The following MED16 variants were observed in gnomAD, a reference collection of about 807,000 sequenced individuals.
The protein encoded by MED16 is mediator complex subunit 16, also known as mediator of RNA polymerase II transcription subunit 16.
In MED16, 81 loss-of-function variants were observed where a neutral mutation model predicts 84.4. That is an observed-to-expected ratio of 0.96 (90% CI 0.80 to 1.15). The LOEUF is 1.15. Among genes scored for constraint, MED16 ranks in the 50% most tolerant of loss-of-function variants. The pLI, the probability that MED16 is intolerant of heterozygous loss-of-function variation, is 0.00. For synonymous variants in MED16, 897 were observed against 552.2 expected, an observed-to-expected ratio of 1.62 and a Z score of -8.76; for missense variants, 1,585 against 1,245.9, an observed-to-expected ratio of 1.27 and a Z score of -4.10.
intron 1 of MED16, chr19:892,831 C>T (rs894109540): frequency 6.6e-6 from 1 of 152,398 alleles, no homozygotes; most frequent in African/African-American, 2.4e-5. Flanking sequence ...GAACCCAGCC[C>T]CGCGGGCCTC....
At chr19:888,418 G>A (rs989874068) in intron 4 of MED16, among the ~76,000 whole-genome samples, 1 of 151,466 alleles carries the variant, frequency 6.6e-6, no homozygotes, top group Non-Finnish European at 1.5e-5. Context: ...CAGCTACTCA[G>A]GAAGCTGAGG....
intron 13 of MED16, 39 bp downstream of exon 13, chr19:870,998 G>A (rs1229557970): frequency 8.6e-6 from 13 of 1,510,632 alleles, no homozygotes; most frequent in South Asian, 4.9e-5. Flanking sequence ...ACGGAGGAAG[G>A]AGTCCTGTGT....
At chr19:879,091 A>G (rs1310905433) in intron 8 of MED16, among the ~76,000 whole-genome samples, 6 of 61,510 alleles carry the variant, frequency 9.8e-5, no homozygotes, top group African/African-American at 3.8e-4. Flanking sequence ...CACGTGCCCC[A>G]GCAGCTCGCC....
At position 881,696 on chromosome 19, in the gene MED16, G is replaced by T; in HGVS notation, c.1004C>A (p.Thr335Lys). Residue 335 changes from threonine to lysine, a missense_variant, in exon 7 of 16, where the codon ACA becomes AAA. Transcript: ENST00000325464. ...ISPVVGDKQPTILKWRILSAT... is the reference protein window; with the variant it reads ...ISPVVGDKQPKILKWRILSAT... ...CGATAGGATCCGCCATTTGAGAATT[G>T]TGGGCTGTTTGTCGCCAACTGAAAA... 1 of 1,610,862 alleles carries T rather than the reference G, an allele frequency of 6.2e-7. No individual in the cohort carries two copies. Among genetic ancestry groups the T allele is most frequent in the Non-Finnish European group, 8.5e-7 (1 of 1,178,402 alleles).
chr19:878,260 G>A (rs1238743833), intron 8 of MED16, among the ~76,000 whole-genome samples: 4 of 15,080 alleles, frequency 2.7e-4, no homozygotes, highest in Non-Finnish European at 3.7e-4. Context: ...CCAGCCCCAC[G>A]GGCCCCAGCA....
At chr19:891,277 G>C (rs1471090978) in intron 1 of MED16, 128 bp from the exon 2 acceptor site, 2 of 917,536 alleles carry the variant, frequency 2.2e-6, no homozygotes, top group South Asian at 1.7e-5. Flanking sequence ...AAGGCCCGGA[G>C]GCCAGACAGA....
In MED16 at chr19:868,034, G is replaced by A. The variant is rs2035954479; in HGVS notation, c.*67C>T. ...TGTCCAGGTTCAGCGCTCTCCGCGGGTGAGGCAAGGAAACCGAGGAGACGC... is the reference window on the plus strand; with the variant it reads ...TGTCCAGGTTCAGCGCTCTCCGCGGATGAGGCAAGGAAACCGAGGAGACGC... On this transcript the variant is annotated 3_prime_UTR_variant, in exon 16 of 16. Coordinates refer to ENST00000325464, the MANE Select transcript of MED16 (RefSeq NM_005481.3). 2.0e-6 allele frequency: 3 copies of A among 1,529,912 alleles called. No individual in the cohort carries two copies. Among genetic ancestry groups the A allele is most frequent in the Non-Finnish European group, 2.6e-6 (3 of 1,143,078 alleles). The allele number at this position is 1,529,912 out of a possible 1,614,324, so 94.8% of individuals were successfully genotyped here.
chr19:887,237 A>C (rs1173060042), intron 4 of MED16, among the ~76,000 whole-genome samples: 1 of 152,070 alleles, frequency 6.6e-6, no homozygotes, highest in Non-Finnish European at 1.5e-5. Flanking sequence ...TCCAGGAAGC[A>C]AGCCAGGCCT....
At chr19:876,624 C>T (rs568342317) in intron 9 of MED16, among the ~76,000 whole-genome samples, 5 of 152,180 alleles carry the variant, frequency 3.3e-5, no homozygotes, top group South Asian at 2.1e-4. Flanking sequence ...GGAGCACACC[C>T]CACACGCAGC....
At position 886,026 on chromosome 19, in the gene MED16, C is replaced by G. The variant is rs777746157; in HGVS notation, c.623G>C (p.Arg208Pro). The change falls in exon 5 of 16, where the codon CGG becomes CCG. Residue 208 changes from arginine (R) to proline (P), a missense_variant. Arg to Pro is a moderately radical substitution (Grantham distance 103, BLOSUM62 -2). Transcript: ENST00000325464. The part of the protein sequence containing the change: ...QVLTSTESLC[R>P]LRGRVALADI... ...GGCCAGGGCCACGCGGCCGCGCAGC[C>G]GGCACAGGCTCTCGGTGGACGTCAG... is the stretch of plus-strand genomic sequence containing the variant. 1 of 1,598,944 alleles carries G rather than the reference C, an allele frequency of 6.3e-7. No individual in the cohort carries two copies. The highest frequency in any genetic ancestry group is 8.5e-7 in the Non-Finnish European group (1 of 1,175,126).
intron 4 of MED16, among the ~76,000 whole-genome samples, chr19:889,239 G>A (rs1182432393): frequency 2.0e-5 from 3 of 152,120 alleles, no homozygotes; most frequent in Non-Finnish European, 2.9e-5. Context: ...ATCACAGGGA[G>A]CATAGAGAGG....
Position 891,046 on chromosome 19 carries a change from T to C in MED16, c.86A>G (p.His29Arg). The change falls in exon 2 of 16, where the codon CAC becomes CGC. Residue 29 changes from histidine (H) to arginine (R), a missense_variant. Physicochemically the swap from His to Arg is conservative, Grantham distance 29 (BLOSUM62 0). Coordinates refer to ENST00000325464, the MANE Select transcript of MED16 (RefSeq NM_005481.3). ...CEWEKWSKST[H>R]CPSVPLACAW... ...GCAGGCCAGGGGCACCGATGGGCAGTGGGTGCTCTTGGACCATTTCTCCCA... is the reference window on the plus strand; with the variant it reads ...GCAGGCCAGGGGCACCGATGGGCAGCGGGTGCTCTTGGACCATTTCTCCCA... 1 of 1,614,098 alleles carries C rather than the reference T, an allele frequency of 6.2e-7. No homozygotes were observed. Among genetic ancestry groups the C allele is most frequent in the Non-Finnish European group, 8.5e-7 (1 of 1,180,022 alleles).
intron 6 of MED16, among the ~76,000 whole-genome samples, chr19:883,464 A>G (rs11085228): frequency 0.98 from 134,890 of 137,198 alleles, 66,384 homozygotes; most frequent in African/African-American, 0.99. Flanking sequence ...GGCGGGGACC[A>G]AAGCCTGGCA....
At chr19:879,747 T>C (rs1180775824) in intron 8 of MED16, among the ~76,000 whole-genome samples, 190 bp downstream of exon 8, 15 of 73,294 alleles carry the variant, frequency 2.0e-4, no homozygotes, top group African/African-American at 6.6e-4. Context: ...CTTCCCCTGG[T>C]TGTCAATGCC....
At chr19:868,393 C>G (rs753362598) in intron 15 of MED16, 23 bp downstream of exon 15, 20 of 1,606,756 alleles carry the variant, frequency 1.2e-5, no homozygotes, top group Non-Finnish European at 1.6e-5. Flanking sequence ...CTGAGGGGCA[C>G]CCGCCACCAG....
In MED16 at chr19:875,270, T is replaced by A; in HGVS notation, c.1745A>T (p.Glu582Val). The change falls in exon 10 of 16, where the codon GAG becomes GTG. Residue 582 changes from glutamate (E) to valine (V), a missense_variant. Physicochemically the swap from Glu to Val is moderately radical, Grantham distance 121. Transcript: ENST00000325464. ...PDKSPGDRLT[E>V]ICTKITDVDI... ...GACGTCGGTGATCTTGGTGCAGATC[T>A]CGGTCAGCCGGTCGCCGGGGCTCTT... The A allele has an allele frequency of 1.9e-6, 3 of 1,611,142 alleles. No homozygotes were observed. Among genetic ancestry groups the A allele is most frequent in the Non-Finnish European group, 2.5e-6 (3 of 1,179,564 alleles).
chr19:872,907 T>A (rs1420725338), intron 11 of MED16: 1 of 1,013,984 alleles, frequency 9.9e-7, no homozygotes, highest in Non-Finnish European at 1.2e-6. Flanking sequence ...AGGAAAGGCT[T>A]CTTACAGCAG....
At chr19:870,918 G>C in intron 13 of MED16, 119 bp downstream of exon 13, 1 of 1,032,684 alleles carries the variant, frequency 9.7e-7, no homozygotes. Context: ...GAGCCGTGTG[G>C]ATTCGGGGGG....
intron 8 of MED16, among the ~76,000 whole-genome samples, chr19:878,750 G>C (rs1219095822): frequency 9.4e-6 from 1 of 106,422 alleles, no homozygotes. Flanking sequence ...CCAGCCCCAC[G>C]TGCCCCAGCA....
Sources: allele counts gnomAD v4.1 joint callset (sites outside exome capture counted in the v4.1 genomes callset), GRCh38; gene constraint gnomAD v4.1.1; transcripts MANE v1.5; gene names NCBI Gene and HGNC (gene_info 2026-07-23, HGNC 2026-07-21).